ST6GALNAC4: variants seen among roughly 807,000 people sequenced by gnomAD.
ST6GALNAC4 encodes the protein alpha-N-acetyl-neuraminyl-2,3-beta-galactosyl-1,3-N-acetyl-galactosaminide alpha-2,6-sialyltransferase.
In ST6GALNAC4, 24 loss-of-function variants were observed where a neutral mutation model predicts 30.4. The observed-to-expected ratio is 0.79, with a 90% confidence interval of 0.57 to 1.11. The LOEUF is 1.11. Ranked by LOEUF, ST6GALNAC4 falls within the 50% of genes most tolerant of loss-of-function variation. The probability of loss-of-function intolerance (pLI) is 0.00; values close to 1 mark genes in which losing one functional copy is unlikely to be tolerated. For synonymous variants in ST6GALNAC4, 156 were observed against 179.7 expected (o/e 0.87, Z 1.05); for missense variants, 365 against 430.1 (o/e 0.85, Z 1.34).
rs1831161404 is a variant in ST6GALNAC4 at position 127,914,859 on chromosome 9, C to T, written c.13-18G>A. 1.2e-5 allele frequency: 17 copies of T among 1,455,680 alleles called. No individual in the cohort carries two copies. The highest frequency in any genetic ancestry group is 1.5e-5 in the Non-Finnish European group (16 of 1,097,438). 90.2% of individuals were successfully genotyped at this position (1,455,680 alleles called of 1,614,324 possible). On this transcript the variant is annotated intron_variant, in intron 2 of 5. Coordinates refer to ENST00000335791, the MANE Select transcript of ST6GALNAC4 (RefSeq NM_175039.4). Reference sequence around the variant, plus strand: ...AGCCGACCCTGAGGGAGACAGTGGCCATGGGGGGGTGTATGTGGGGAGGGG... The same window carrying T: ...AGCCGACCCTGAGGGAGACAGTGGCTATGGGGGGGTGTATGTGGGGAGGGG...
chr9:127,912,949 T>C (rs1486374186), intron 3 of ST6GALNAC4, among the ~76,000 whole-genome samples: 2 of 152,228 alleles, frequency 1.3e-5, no homozygotes, highest in African/African-American at 4.8e-5. Flanking sequence ...TCTGAGGCCC[T>C]GTCTCTACGT....
Position 127,908,332 on chromosome 9 carries a change from C to T in ST6GALNAC4, c.*60G>A, listed in dbSNP as rs1830978959. On this transcript the variant is annotated 3_prime_UTR_variant, in exon 6 of 6. Coordinates refer to ENST00000335791, the MANE Select transcript of ST6GALNAC4 (RefSeq NM_175039.4). ...TAAATGTTTTTGTGGAGTGTGATGG[C>T]TTGGGATGGGACATCCCGGAGGCCT... 1 of 1,441,986 alleles carries T rather than the reference C, an allele frequency of 6.9e-7. No individual in the cohort carries two copies. Among genetic ancestry groups the T allele is most frequent in the Non-Finnish European group, 9.3e-7 (1 of 1,077,630 alleles). 89.3% of individuals were successfully genotyped at this position (1,441,986 alleles called of 1,614,324 possible). A position where few individuals can be genotyped will look rare whatever the true frequency, so the allele number is the denominator to read the frequency against.
chr9:127,910,166 C>A, intron 4 of ST6GALNAC4, 108 bp from the exon 5 acceptor site: 1 of 1,483,944 alleles, frequency 6.7e-7, no homozygotes. Flanking sequence ...TGCACCTCAA[C>A]CTCTTGCGGG....
rs572298513 is a variant in ST6GALNAC4 at position 127,912,670 on chromosome 9, C to T, written c.209G>A (p.Arg70His). 5.7e-6 allele frequency: 9 copies of T among 1,572,386 alleles called. No individual in the cohort carries two copies. Among genetic ancestry groups the T allele is most frequent in the South Asian group, 4.5e-5 (4 of 89,286 alleles). Reference sequence around the variant, plus strand: ...CACGGCACAGCTGCGGCAGGGCTCGCGGACCAGCGGCTGCAGGGCAGGCAG... The same window carrying T: ...CACGGCACAGCTGCGGCAGGGCTCGTGGACCAGCGGCTGCAGGGCAGGCAG... ...SSVPDGKPLV[R>H]EPCRSCAVVS... is the part of the protein sequence containing the mutation. The change falls in exon 4 of 6, where the codon CGC becomes CAC. Residue 70 changes from arginine (R) to histidine (H), a missense_variant. Transcript: ENST00000335791.
At chr9:127,914,041 C>T (rs1378114703) in intron 3 of ST6GALNAC4, among the ~76,000 whole-genome samples, 1 of 152,078 alleles carries the variant, frequency 6.6e-6, no homozygotes, top group East Asian at 1.9e-4. Context: ...GATCGCACTA[C>T]TGCACTCCAG....
intron 5 of ST6GALNAC4, among the ~76,000 whole-genome samples, chr9:127,909,193 G>T (rs1370641053): frequency 6.6e-6 from 1 of 152,124 alleles, no homozygotes; most frequent in Non-Finnish European, 1.5e-5. Context: ...TTCCAGACCA[G>T]CCTGGCCAAC....
At chr9:127,910,982 C>T (rs932799625) in intron 4 of ST6GALNAC4, among the ~76,000 whole-genome samples, 6 of 152,160 alleles carry the variant, frequency 3.9e-5, no homozygotes, top group African/African-American at 1.4e-4. Context: ...GGGCGGGCTT[C>T]CCTGAGGAGG....
chr9:127,909,562 T>C (rs537481710), intron 5 of ST6GALNAC4, among the ~76,000 whole-genome samples: 1 of 150,134 alleles, frequency 6.7e-6, no homozygotes, highest in South Asian at 2.1e-4. Context: ...TATATATATA[T>C]ATATATATTT....
chr9:127,910,976 G>A (rs937352325), intron 4 of ST6GALNAC4, among the ~76,000 whole-genome samples: 6 of 152,174 alleles, frequency 3.9e-5, no homozygotes, highest in African/African-American at 9.7e-5. Flanking sequence ...TGGTCAGGGC[G>A]GGCTTCCCTG....
At chr9:127,911,771 C>T (rs1302046056) in intron 4 of ST6GALNAC4, among the ~76,000 whole-genome samples, 1 of 152,236 alleles carries the variant, frequency 6.6e-6, no homozygotes, top group Non-Finnish European at 1.5e-5. Flanking sequence ...AGGCGTGAGC[C>T]ACCGGGCCTA....
chr9:127,915,229 T>C (rs1831170765), intron 2 of ST6GALNAC4, among the ~76,000 whole-genome samples: 1 of 152,282 alleles, frequency 6.6e-6, no homozygotes, highest in East Asian at 1.9e-4. Flanking sequence ...TGTTTCCTCC[T>C]CTACAAACTG....
At chr9:127,913,560 G>A (rs1212646800) in intron 3 of ST6GALNAC4, among the ~76,000 whole-genome samples, 1 of 152,156 alleles carries the variant, frequency 6.6e-6, no homozygotes, top group Non-Finnish European at 1.5e-5. Flanking sequence ...ACTCCAGCCT[G>A]TTGACAGAGT....
At chr9:127,909,294 C>T (rs1161360074) in intron 5 of ST6GALNAC4, among the ~76,000 whole-genome samples, 1 of 151,406 alleles carries the variant, frequency 6.6e-6, no homozygotes, top group Non-Finnish European at 1.5e-5. Flanking sequence ...GAGGCTGAGG[C>T]AGGAGAATCG....
At chr9:127,910,179 G>C in intron 4 of ST6GALNAC4, 121 bp from the exon 5 acceptor site, 3 of 1,458,792 alleles carry the variant, frequency 2.1e-6, no homozygotes, top group Non-Finnish European at 2.7e-6. Context: ...CTTGCGGGGG[G>C]CTCTGGGGGA....
intron 4 of ST6GALNAC4, chr9:127,910,318 G>A: frequency 8.0e-7 from 1 of 1,252,528 alleles, no homozygotes; most frequent in South Asian, 1.6e-5. Flanking sequence ...TGCAGGGTTT[G>A]AGCAAACCCC....
At chr9:127,909,552 T>TAG (rs947077608) in intron 5 of ST6GALNAC4, among the ~76,000 whole-genome samples, 6 of 148,840 alleles carry the variant, frequency 4.0e-5, no homozygotes, top group Non-Finnish European at 7.4e-5. Flanking sequence ...ATATCACTGA[T>TAG]ATATATATAT....
intron 2 of ST6GALNAC4, among the ~76,000 whole-genome samples, chr9:127,915,106 C>G (rs1448415407): frequency 6.6e-6 from 1 of 152,086 alleles, no homozygotes; most frequent in Non-Finnish European, 1.5e-5. Context: ...AGTACAAGGC[C>G]ATACAGCAAA....
At chr9:127,915,396 G>A (rs1831174754) in intron 2 of ST6GALNAC4, among the ~76,000 whole-genome samples, 2 of 152,274 alleles carry the variant, frequency 1.3e-5, no homozygotes, top group African/African-American at 2.4e-5. Flanking sequence ...GTGTGGCCCC[G>A]CCTCCTCCCC....
At chr9:127,914,902 AGCGCTGCACCTG>A in intron 2 of ST6GALNAC4, 61 bp from the exon 3 acceptor site, 1 of 1,387,204 alleles carries the variant, frequency 7.2e-7, no homozygotes, top group Non-Finnish European at 9.5e-7. Flanking sequence ...AAGCCCCTTC[AGCGCTGCACCTG>A]GCCTCCTGGG....
Sources: allele counts gnomAD v4.1 joint callset (sites outside exome capture counted in the v4.1 genomes callset), GRCh38; gene constraint gnomAD v4.1.1; transcripts MANE v1.5; gene names NCBI Gene and HGNC (gene_info 2026-07-23, HGNC 2026-07-21).